The following PPP6R3 variants were observed in gnomAD, a reference collection of about 807,000 sequenced individuals.
PPP6R3 encodes protein phosphatase 6 regulatory subunit 3.
PPP6R3 carries 38 observed loss-of-function variants against 110.7 expected under a neutral mutation model. The ratio of observed to expected loss-of-function variants is 0.34; its 90% CI spans 0.26 to 0.45. PPP6R3 has a LOEUF of 0.45. Ranked by LOEUF, PPP6R3 falls within the 20% of genes least tolerant of loss-of-function variation. PPP6R3 has a pLI of 1.00. For missense variants in PPP6R3, 870 were observed against 1,062.4 expected (o/e 0.82, Z 2.52); for synonymous variants, 369 against 373.5 (o/e 0.99, Z 0.14).
chr11:68,474,337 C>T (rs186098896), intron 1 of PPP6R3, among the ~76,000 whole-genome samples: 1 of 152,184 alleles, frequency 6.6e-6, no homozygotes, highest in Admixed American at 6.5e-5. Context: ...TGTGCCACTG[C>T]GTCCAGCCTG....
chr11:68,597,052 G>T (rs905949702), intron 19 of PPP6R3, among the ~76,000 whole-genome samples: 3 of 152,234 alleles, frequency 2.0e-5, no homozygotes, highest in Non-Finnish European at 4.4e-5. Flanking sequence ...GGAGGAGGAA[G>T]TGGACTTTTC....
At chr11:68,465,958 A>C (rs1299619626) in intron 1 of PPP6R3, among the ~76,000 whole-genome samples, 1 of 152,240 alleles carries the variant, frequency 6.6e-6, no homozygotes, top group Admixed American at 6.5e-5. Context: ...CATTCTTCCC[A>C]TACTGAAGCC....
At chr11:68,478,542 C>G (rs997619823) in intron 1 of PPP6R3, among the ~76,000 whole-genome samples, 4 of 150,784 alleles carry the variant, frequency 2.7e-5, no homozygotes, top group Admixed American at 1.3e-4. Flanking sequence ...TACTTTCAAG[C>G]TCTTTTGTGG....
intron 11 of PPP6R3, 50 bp downstream of exon 11, chr11:68,569,947 G>A: frequency 2.0e-6 from 3 of 1,521,146 alleles, no homozygotes; most frequent in African/African-American, 1.4e-5. Context: ...GGTTATAGCA[G>A]TTTTCCACTT....
At chr11:68,557,171 C>T (rs2099402751) in intron 7 of PPP6R3, among the ~76,000 whole-genome samples, 1 of 152,160 alleles carries the variant, frequency 6.6e-6, no homozygotes, top group Non-Finnish European at 1.5e-5. Flanking sequence ...GGTTCCAGAC[C>T]TAATAGTTAG....
chr11:68,526,561 C>G lies in PPP6R3; in HGVS notation c.-7+6910C>G, dbSNP rs572280614. On this transcript the variant is annotated intron_variant, in intron 2 of 23. Transcript: ENST00000393800. ...GGGCCTGGCTAACGTTGGCTTTTAT[C>G]ATACCATCTTACCTCTATTCACACA... is the stretch of plus-strand genomic sequence containing the variant. Among the ~76,000 whole-genome samples, 4 of 152,262 alleles carry G rather than the reference C, an allele frequency of 2.6e-5. No individual in the cohort carries two copies. The South Asian group carries it at 6.2e-4, about 24-fold the overall frequency.
intron 1 of PPP6R3, among the ~76,000 whole-genome samples, chr11:68,474,340 C>T (rs2098813454): frequency 6.6e-6 from 1 of 152,198 alleles, no homozygotes; most frequent in African/African-American, 2.4e-5. Context: ...GCCACTGCGT[C>T]CAGCCTGATT....
chr11:68,504,459 C>T lies in PPP6R3; in HGVS notation c.-157-15042C>T, dbSNP rs548886792. ...CTCCAGATACCTGTTAGGATTCTTTCGAGTGGATTCTTTCCTATTTCATAT... is the reference window on the plus strand; with the variant it reads ...CTCCAGATACCTGTTAGGATTCTTTTGAGTGGATTCTTTCCTATTTCATAT... On this transcript the variant is annotated intron_variant, in intron 1 of 23. Coordinates refer to ENST00000393800, the MANE Select transcript of PPP6R3 (RefSeq NM_001164161.2). 7.2e-5 allele frequency among the ~76,000 whole-genome samples: 11 copies of T among 152,198 alleles called. No homozygotes were observed. The South Asian group carries it at 2.1e-3, about 29-fold the overall frequency.
At chr11:68,462,259 C>G (rs1032830046) in intron 1 of PPP6R3, among the ~76,000 whole-genome samples, 1 of 152,192 alleles carries the variant, frequency 6.6e-6, no homozygotes, top group African/African-American at 2.4e-5. Context: ...AGTCCCGACT[C>G]TTGGTGACTG....
At chr11:68,508,041 A>T in intron 1 of PPP6R3, among the ~76,000 whole-genome samples, 1 of 56,506 alleles carries the variant, frequency 1.8e-5, no homozygotes, top group South Asian at 3.4e-4. Flanking sequence ...CCTCATGTGT[A>T]AAAAAAAAAA....
At chr11:68,596,343 T>G in intron 19 of PPP6R3, 125 bp downstream of exon 19, 1 of 1,330,086 alleles carries the variant, frequency 7.5e-7, no homozygotes, top group Non-Finnish European at 1.0e-6. Context: ...TGAAGCGTGT[T>G]GTCAAGTGAA....
At chr11:68,469,804 G>A (rs2098777127) in intron 1 of PPP6R3, among the ~76,000 whole-genome samples, 1 of 152,130 alleles carries the variant, frequency 6.6e-6, no homozygotes, top group African/African-American at 2.4e-5. Context: ...TTAGGAAATA[G>A]AAGGTTGCCA....
At chr11:68,476,943 T>A (rs188889321) in intron 1 of PPP6R3, among the ~76,000 whole-genome samples, 188 of 152,116 alleles carry the variant, frequency 1.2e-3, no homozygotes, top group African/African-American at 4.2e-3. Context: ...GCAGGATTGC[T>A]TGAGCCCAGG....
chr11:68,564,368 G>C lies in PPP6R3; in HGVS notation c.911G>C (p.Ser304Thr). 6.2e-7 allele frequency: 1 copy of C among 1,613,342 alleles called. No individual in the cohort carries two copies. The highest frequency in any genetic ancestry group is 8.5e-7 in the Non-Finnish European group (1 of 1,179,236). ...CATTCAGCTTGTTCAGTAAACAAGA[G>C]TGTTCTAGAAGCCATCAGAGGAAGA... is the stretch of plus-strand genomic sequence containing the variant. ...MSHSACSVNKSVLEAIRGRLG... is the reference protein window; with the variant it reads ...MSHSACSVNKTVLEAIRGRLG... The change falls in exon 9 of 24, where the codon AGT becomes ACT. Residue 304 changes from serine (S) to threonine (T), a missense_variant. Transcript: ENST00000393800.
intron 9 of PPP6R3, 49 bp downstream of exon 9, chr11:68,564,481 AAC>A: frequency 6.2e-7 from 1 of 1,601,460 alleles, no homozygotes; most frequent in South Asian, 1.1e-5. Flanking sequence ...ATTTGGTTGA[AAC>A]AGTCATTCGA....
intron 1 of PPP6R3, among the ~76,000 whole-genome samples, chr11:68,482,521 T>TA (rs1447107406): frequency 6.6e-6 from 1 of 152,142 alleles, no homozygotes; most frequent in Non-Finnish European, 1.5e-5. Flanking sequence ...GTCCTAAACT[T>TA]ACACAGAATA....
chr11:68,561,263 AT>A (rs904552454), intron 8 of PPP6R3, among the ~76,000 whole-genome samples: 6 of 151,828 alleles, frequency 4.0e-5, no homozygotes, highest in African/African-American at 7.3e-5. Context: ...TTTGTTTGGC[AT>A]TTTTTTCCAC....
At chr11:68,501,865 A>T (rs902075446) in intron 1 of PPP6R3, among the ~76,000 whole-genome samples, 1 of 152,216 alleles carries the variant, frequency 6.6e-6, no homozygotes, top group African/African-American at 2.4e-5. Flanking sequence ...TTGGTCATAC[A>T]GTAAGTCCTC....
intron 16 of PPP6R3, among the ~76,000 whole-genome samples, chr11:68,588,323 AC>A (rs1176917865): frequency 6.6e-6 from 1 of 151,858 alleles, no homozygotes; most frequent in African/African-American, 2.4e-5. Context: ...ACATGGTGAA[AC>A]CCCGTCTCTA....
Sources: gnomAD v4.1 joint callset for allele counts (sites outside exome capture counted in the v4.1 genomes callset) on GRCh38, gnomAD v4.1.1 for gene constraint, MANE v1.5 for transcripts, NCBI Gene and HGNC (gene_info 2026-07-23, HGNC 2026-07-21) for gene names.